The following ATP13A4 variants were observed in gnomAD, a reference collection of about 807,000 sequenced individuals.
ATP13A4 encodes the protein probable cation-transporting ATPase 13A4.
Under a neutral mutation model 142.5 loss-of-function variants are expected in ATP13A4, and 114 were observed. The observed-to-expected ratio is 0.80, with a 90% CI of 0.69 to 0.93. ATP13A4 has a LOEUF of 0.93. Among genes scored for constraint, ATP13A4 ranks in the 40% least tolerant of loss-of-function variants. The pLI is 0.00. For missense variants in ATP13A4, 1,392 were observed against 1,454.0 expected (o/e 0.96, Z 0.69); for synonymous variants, 488 against 514.8 (o/e 0.95, Z 0.70).
At chr3:193,410,670 G>A (rs998963887) in intron 28 of ATP13A4, among the ~76,000 whole-genome samples, 3 of 152,106 alleles carry the variant, frequency 2.0e-5, no homozygotes, top group African/African-American at 7.2e-5. Flanking sequence ...AGTGAACTAC[G>A]ATTGCACCAT....
At chr3:193,442,139 C>T (rs545638482) in intron 19 of ATP13A4, among the ~76,000 whole-genome samples, 12 of 152,278 alleles carry the variant, frequency 7.9e-5, no homozygotes, top group Non-Finnish European at 1.3e-4. Flanking sequence ...TTCAACTCCA[C>T]GCACTATATT....
intron 1 of ATP13A4, among the ~76,000 whole-genome samples, chr3:193,530,393 T>C (rs2108701969): frequency 6.6e-6 from 1 of 152,304 alleles, no homozygotes; most frequent in South Asian, 2.1e-4. Flanking sequence ...TGCACCTTCC[T>C]CTGTATCTGA....
intron 13 of ATP13A4, among the ~76,000 whole-genome samples, chr3:193,460,664 T>C (rs1047995855): frequency 2.0e-5 from 3 of 152,110 alleles, no homozygotes; most frequent in Non-Finnish European, 4.4e-5. Context: ...AAAAGCAAAA[T>C]ACAGATCAGA....
At chr3:193,585,993 T>C (rs778160671) in intron 1 of ATP13A4, among the ~76,000 whole-genome samples, 2 of 152,090 alleles carry the variant, frequency 1.3e-5, no homozygotes, top group Non-Finnish European at 2.9e-5. Context: ...CTCGACAAAA[T>C]TTTCATTTCT....
chr3:193,439,489 T>A (rs1560187564), intron 21 of ATP13A4, among the ~76,000 whole-genome samples: 1 of 152,188 alleles, frequency 6.6e-6, no homozygotes, highest in Non-Finnish European at 1.5e-5. Context: ...GAGTATTAAA[T>A]GAGGTGCTGT....
intron 8 of ATP13A4, among the ~76,000 whole-genome samples, chr3:193,483,556 C>T (rs1239277747): frequency 6.6e-6 from 1 of 152,138 alleles, no homozygotes; most frequent in Non-Finnish European, 1.5e-5. Flanking sequence ...GCTCCGCCTC[C>T]CGGGTTCATG....
chr3:193,573,308 C>CGTATATATATATATATTTTTATATAT (rs1229145689), intron 2 of ATP13A4, among the ~76,000 whole-genome samples: 9 of 103,668 alleles, frequency 8.7e-5, no homozygotes, highest in African/African-American at 1.9e-4. Flanking sequence ...TATATATATA[C>CGTATATATATATATATTTTTATATAT]ATATATATAT....
At chr3:193,578,118 A>T (rs1284763708) in intron 2 of ATP13A4, among the ~76,000 whole-genome samples, 1 of 152,000 alleles carries the variant, frequency 6.6e-6, no homozygotes, top group East Asian at 1.9e-4. Flanking sequence ...ACATGGTGAA[A>T]CCCTGTATCT....
At chr3:193,574,298 T>C (rs1724349563) in intron 2 of ATP13A4, among the ~76,000 whole-genome samples, 1 of 152,256 alleles carries the variant, frequency 6.6e-6, no homozygotes, top group Admixed American at 6.5e-5. Context: ...TCTCAAGCTC[T>C]CCTCTTTGCA....
At chr3:193,589,959 CAAAAA>C (rs35624117) in intron 1 of ATP13A4, among the ~76,000 whole-genome samples, 5 of 83,898 alleles carry the variant, frequency 6.0e-5, no homozygotes, top group Non-Finnish European at 4.9e-5. Context: ...GTTCTTTTGC[CAAAAA>C]AAAAAAAAAA....
At chr3:193,578,609 C>G (rs183436738) in intron 2 of ATP13A4, among the ~76,000 whole-genome samples, 166 of 152,174 alleles carry the variant, frequency 1.1e-3, no homozygotes, top group African/African-American at 3.7e-3. Flanking sequence ...GTTTTTGAAG[C>G]AGTAACTGAG....
At chr3:193,405,152 C>T (rs1007496572) in intron 29 of ATP13A4, among the ~76,000 whole-genome samples, 4 of 152,204 alleles carry the variant, frequency 2.6e-5, no homozygotes, top group East Asian at 3.9e-4. Context: ...AACCCACCCA[C>T]GTAGATTACC....
intron 8 of ATP13A4, 31 bp from the exon 9 acceptor site, chr3:193,471,024 G>A: frequency 6.2e-7 from 1 of 1,613,894 alleles, no homozygotes; most frequent in Non-Finnish European, 8.5e-7. Context: ...AGTTGAGTCA[G>A]GTTATTTTCC....
chr3:193,544,138 A>G (rs1723095172), intron 1 of ATP13A4, among the ~76,000 whole-genome samples: 1 of 152,178 alleles, frequency 6.6e-6, no homozygotes, highest in Non-Finnish European at 1.5e-5. Flanking sequence ...CTTCTCTCCT[A>G]CTATTTAAGC....
rs1716920332 is a variant in ATP13A4 at position 193,445,845 on chromosome 3, C to T, written c.2152+2361G>A. On this transcript the variant is annotated intron_variant, in intron 18 of 29. Coordinates refer to ENST00000342695, the MANE Select transcript of ATP13A4 (RefSeq NM_032279.4). Reference sequence around the variant, plus strand: ...CACACGATTTAAGAACTGAACGATTCAACTTAAGAAAACTCAAATCCCACC... The same window carrying T: ...CACACGATTTAAGAACTGAACGATTTAACTTAAGAAAACTCAAATCCCACC... 2.6e-5 allele frequency among the ~76,000 whole-genome samples: 4 copies of T among 151,880 alleles called. No individual in the cohort carries two copies. The South Asian group carries it at 6.3e-4, about 24-fold the overall frequency.
chr3:193,573,271 A>ACT (rs1724311210), intron 2 of ATP13A4, among the ~76,000 whole-genome samples: 2 of 93,576 alleles, frequency 2.1e-5, no homozygotes, highest in South Asian at 3.1e-4. Context: ...ATATATATAT[A>ACT]TATACATATA....
chr3:193,525,992 T>C (rs2108696006), intron 1 of ATP13A4, among the ~76,000 whole-genome samples: 1 of 152,280 alleles, frequency 6.6e-6, no homozygotes, highest in East Asian at 1.9e-4. Context: ...ACATTGCTGG[T>C]GAGAGATAAA....
chr3:193,575,554 C>A (rs562067969), intron 2 of ATP13A4, among the ~76,000 whole-genome samples: 1 of 152,234 alleles, frequency 6.6e-6, no homozygotes, highest in African/African-American at 2.4e-5. Flanking sequence ...GAACAGAGAT[C>A]AAGTTTCAAA....
chr3:193,561,706 C>T (rs538077750), intron 2 of ATP13A4, among the ~76,000 whole-genome samples: 2 of 152,310 alleles, frequency 1.3e-5, no homozygotes, highest in Non-Finnish European at 2.9e-5. Context: ...TGAGGTTTCT[C>T]AGCTCTCCCA....
Sources: gnomAD v4.1 joint callset for allele counts (sites outside exome capture counted in the v4.1 genomes callset) on GRCh38, gnomAD v4.1.1 for gene constraint, MANE v1.5 for transcripts, NCBI Gene and HGNC (gene_info 2026-07-23, HGNC 2026-07-21) for gene names.